FXYD2: variants seen among roughly 807,000 people sequenced by gnomAD.
FXYD2 encodes the protein FXYD domain containing ion transport regulator 2, also known as sodium/potassium-transporting ATPase subunit gamma.
Under a neutral mutation model 11.8 loss-of-function variants are expected in FXYD2, and 8 were observed. The ratio of observed to expected loss-of-function variants is 0.68; its 90% CI spans 0.40 to 1.22. The LOEUF (loss-of-function observed/expected upper bound fraction) is 1.22. Ranked by LOEUF, FXYD2 falls within the 50% of genes most tolerant of loss-of-function variation. The pLI is 0.01. For synonymous variants in FXYD2, 42 were observed against 33.3 expected (o/e 1.26, Z -0.90); for missense variants, 92 against 91.8 (o/e 1.00, Z -0.01).
chr11:117,823,134 C>A (rs1045547200), intron 1 of FXYD2, among the ~76,000 whole-genome samples: 4 of 152,162 alleles, frequency 2.6e-5, no homozygotes, highest in East Asian at 3.8e-4. Context: ...TAAAACAGAA[C>A]CTTAAAGTTT....
At chr11:117,824,879 G>T (rs565601581), upstream of FXYD2, 31 of 687,830 alleles carry the variant, frequency 4.5e-5, no homozygotes, top group African/African-American at 4.2e-4. The surrounding 1 kb of genome is among the most constrained non-coding windows in gnomAD (Gnocchi z 4.0). Context: ...GGACGTGCGT[G>T]GGGAGGCAGG....
In FXYD2 at chr11:117,824,516, C is replaced by CA; in HGVS notation, c.25+137dup. 1 of 747,072 alleles carries CA rather than the reference C, an allele frequency of 1.3e-6. No homozygotes were observed. Among genetic ancestry groups the CA allele is most frequent in the Non-Finnish European group, 2.4e-6 (1 of 417,892 alleles). 46.3% of individuals were successfully genotyped at this position (747,072 alleles called of 1,614,324 possible). Reference sequence around the variant, plus strand: ...CAAATTTTCTTAGAGAGGAGGCCGACAGGAAGAGGGGCTGGGTACTCTGGA... The same window carrying CA: ...CAAATTTTCTTAGAGAGGAGGCCGACAAGGAAGAGGGGCTGGGTACTCTGGA... On this transcript the variant is annotated intron_variant, in intron 1 of 5. Transcript: ENST00000292079. The surrounding 1 kb of genome is among the most constrained non-coding windows in gnomAD (Gnocchi z 4.0).
intron 3 of FXYD2, chr11:117,821,196 A>G (rs1205812759): frequency 5.5e-5 from 21 of 379,406 alleles, no homozygotes; most frequent in Non-Finnish European, 8.0e-5. Context: ...AGCTGGGACT[A>G]TAGGTACATG....
In FXYD2 at chr11:117,822,851, G is replaced by A. The variant is rs1450120303; in HGVS notation, c.26-134C>T. Reference sequence around the variant, plus strand: ...AGCAGGCGAGGGGAGGCTGGGAGCAGGGGTGTTGCTAAAACCATTGCCAGC... The same window carrying A: ...AGCAGGCGAGGGGAGGCTGGGAGCAAGGGTGTTGCTAAAACCATTGCCAGC... On this transcript the variant is annotated intron_variant, in intron 1 of 5. Coordinates refer to ENST00000292079, the MANE Select transcript of FXYD2 (RefSeq NM_001680.5). The surrounding 1 kb of genome is among the most constrained non-coding windows in gnomAD (Gnocchi z 4.7). 2.4e-6 allele frequency: 3 copies of A among 1,246,168 alleles called. No homozygotes were observed. The highest frequency in any genetic ancestry group is 2.6e-5 in the South Asian group (2 of 77,514). The allele number at this position is 1,246,168 out of a possible 1,614,324, so 77.2% of individuals were successfully genotyped here.
chr11:117,821,834 C>T (rs2055912992), intron 3 of FXYD2: 14 of 996,104 alleles, frequency 1.4e-5, no homozygotes, highest in Non-Finnish European at 1.7e-5. Flanking sequence ...GGTGTGCTTG[C>T]TGTATCTTCT....
upstream of FXYD2, among the ~76,000 whole-genome samples, chr11:117,826,085 G>A (rs931569881): frequency 2.6e-5 from 4 of 152,180 alleles, no homozygotes; most frequent in Non-Finnish European, 4.4e-5. Context: ...CATGCAAAGA[G>A]CATATCCCAG....
At position 117,820,863 on chromosome 11, in the gene FXYD2, G is replaced by A. The variant is rs764643788; in HGVS notation, c.172C>T (p.Arg58Cys). The A allele has an allele frequency of 5.6e-6, 9 of 1,612,344 alleles. No individual in the cohort carries two copies. The highest frequency in any genetic ancestry group is 2.7e-5 in the African/African-American group (2 of 74,178). Residue 58 changes from arginine to cysteine, a missense_variant, in exon 4 of 6, where the codon CGC (arginine) becomes TGC (cysteine). Coordinates refer to ENST00000292079, the MANE Select transcript of FXYD2 (RefSeq NM_001680.5). Reference protein sequence around the residue: ...RRFRCGGNKKRRQINEDEP With the variant: ...RRFRCGGNKKCRQINEDEP Reference sequence around the variant, plus strand: ...GTCACCCCAGGCAGCGCTCACCTGCGCTTCTTATTGCCCCCACAGCGGAAT... The same window carrying A: ...GTCACCCCAGGCAGCGCTCACCTGCACTTCTTATTGCCCCCACAGCGGAAT...
upstream of FXYD2, chr11:117,824,764 C>A: frequency 6.4e-7 from 1 of 1,567,586 alleles, no homozygotes; most frequent in African/African-American, 1.4e-5. This position sits in a 1 kb window ranked among gnomAD's most constrained non-coding sequence, Gnocchi z 4.0. Flanking sequence ...CACGGGGTGG[C>A]CGGGGACGAG....
Position 117,820,654 on chromosome 11 carries a change from C to T in FXYD2, c.*6+12G>A. On this transcript the variant is annotated intron_variant, in intron 5 of 5. Coordinates refer to ENST00000292079, the MANE Select transcript of FXYD2 (RefSeq NM_001680.5). ...GCCCTCCCCGCACCTTCCCCAGGCC[C>T]TCCTAGCATACCTGCTGTTACGGCT... 6.2e-7 allele frequency: 1 copy of T among 1,613,724 alleles called. No homozygotes were observed. Among genetic ancestry groups the T allele is most frequent in the Non-Finnish European group, 8.5e-7 (1 of 1,179,800 alleles).
At chr11:117,827,943 C>T, upstream of FXYD2, 2 of 1,221,470 alleles carry the variant, frequency 1.6e-6, no homozygotes, top group East Asian at 2.5e-5. Flanking sequence ...ACGGGGCTGG[C>T]ACCTGTGTTA....
chr11:117,822,726 G>C lies in FXYD2; in HGVS notation c.26-9C>G, dbSNP rs531015300. ...CCCCTTGGGGCTGCCGCCTAGGAGA[G>C]AGCCAGAGGTGGGATGAGAGGAGTC... is the stretch of plus-strand genomic sequence containing the variant. On this transcript the variant is annotated splice_polypyrimidine_tract_variant and intron_variant, in intron 1 of 5. Coordinates refer to ENST00000292079, the MANE Select transcript of FXYD2 (RefSeq NM_001680.5). The surrounding 1 kb of genome is among the most constrained non-coding windows in gnomAD (Gnocchi z 4.7). The C allele has an allele frequency of 1.2e-6, 2 of 1,608,842 alleles. No individual in the cohort carries two copies. The highest frequency in any genetic ancestry group is 2.2e-5 in the East Asian group (1 of 44,690).
intron 3 of FXYD2, chr11:117,821,944 G>A: frequency 1.9e-6 from 2 of 1,045,410 alleles, no homozygotes; most frequent in Non-Finnish European, 2.3e-6. Context: ...CGGGGCTTGA[G>A]GATACATAAC....
chr11:117,824,491 C>A lies in FXYD2; in HGVS notation c.25+163G>T. 1.1e-5 allele frequency: 8 copies of A among 695,996 alleles called. No individual in the cohort carries two copies. In the South Asian group the frequency reaches 1.2e-4, roughly 11 times the overall value. 43.1% of individuals were successfully genotyped at this position (695,996 alleles called of 1,614,324 possible). A position where few individuals can be genotyped will look rare whatever the true frequency, so the allele number is the denominator to read the frequency against. On this transcript the variant is annotated intron_variant, in intron 1 of 5. Transcript: ENST00000292079. The surrounding 1 kb of genome is among the most constrained non-coding windows in gnomAD (Gnocchi z 4.0). Reference sequence around the variant, plus strand: ...TAAAGCAGGGTCCTCCTTTAAGTTGCAAATTTTCTTAGAGAGGAGGCCGAC... The same window carrying A: ...TAAAGCAGGGTCCTCCTTTAAGTTGAAAATTTTCTTAGAGAGGAGGCCGAC...
At chr11:117,823,936 C>G (rs1009658221) in intron 1 of FXYD2, among the ~76,000 whole-genome samples, 47 of 152,318 alleles carry the variant, frequency 3.1e-4, no homozygotes, top group African/African-American at 1.1e-3. Flanking sequence ...CATGAAGGAC[C>G]CAGGTCCCAC....
Position 117,822,218 on chromosome 11 carries a change from G to A in FXYD2, c.139+188C>T, listed in dbSNP as rs974482589. 1 of 1,482,916 alleles carries A rather than the reference G, an allele frequency of 6.7e-7. No individual in the cohort carries two copies. The highest frequency in any genetic ancestry group is 9.0e-7 in the Non-Finnish European group (1 of 1,115,956). The allele number at this position is 1,482,916 out of a possible 1,614,324, so 91.9% of individuals were successfully genotyped here. A position where few individuals can be genotyped will look rare whatever the true frequency, so the allele number is the denominator to read the frequency against. ...ACTGGAGGGTGCACTTGAGCAAGCA[G>A]GAACCTCACACTGTGCTCCCAGCGA... is the stretch of plus-strand genomic sequence containing the variant. On this transcript the variant is annotated intron_variant, in intron 3 of 5. Coordinates refer to ENST00000292079, the MANE Select transcript of FXYD2 (RefSeq NM_001680.5). The surrounding 1 kb of genome is among the most constrained non-coding windows in gnomAD (Gnocchi z 4.7).
Position 117,820,375 on chromosome 11 carries a change from G to C in FXYD2, c.*7-3C>G, listed in dbSNP as rs887929436. ...TGCAGTGGGTGGCACCGCCGAGGCT[G>C]AGAAGACAAAGGCAGGATGGGGTTG... On this transcript the variant is annotated splice_region_variant and splice_polypyrimidine_tract_variant and intron_variant, in intron 5 of 5. Transcript: ENST00000292079. 4.0e-6 allele frequency: 2 copies of C among 506,076 alleles called. No individual in the cohort carries two copies. The highest frequency in any genetic ancestry group is 1.9e-5 in the African/African-American group (1 of 52,028). 31.3% of individuals were successfully genotyped at this position (506,076 alleles called of 1,614,324 possible). A position where few individuals can be genotyped will look rare whatever the true frequency, so the allele number is the denominator to read the frequency against.
chr11:117,824,621 C>G lies in FXYD2; in HGVS notation c.25+33G>C, dbSNP rs1055577778. ...GGCCAATCAGAGCCACCCAGCATTG[C>G]ACACGCCCGGGCACGCACACCAGCA... On this transcript the variant is annotated intron_variant, in intron 1 of 5. Coordinates refer to ENST00000292079, the MANE Select transcript of FXYD2 (RefSeq NM_001680.5). This position sits in a 1 kb window ranked among gnomAD's most constrained non-coding sequence, Gnocchi z 4.0. 1 of 1,585,926 alleles carries G rather than the reference C, an allele frequency of 6.3e-7. No homozygotes were observed. The highest frequency in any genetic ancestry group is 8.7e-7 in the Non-Finnish European group (1 of 1,154,656).
At chr11:117,824,986 G>A (rs2056003377), upstream of FXYD2, among the ~76,000 whole-genome samples, 1 of 152,184 alleles carries the variant, frequency 6.6e-6, no homozygotes, top group Admixed American at 6.5e-5. The surrounding 1 kb of genome is among the most constrained non-coding windows in gnomAD (Gnocchi z 4.0). Context: ...TCTGCCAGCT[G>A]GGGAAGCTAC....
chr11:117,823,457 AG>A (rs2055961002), intron 1 of FXYD2, among the ~76,000 whole-genome samples: 1 of 152,214 alleles, frequency 6.6e-6, no homozygotes, highest in African/African-American at 2.4e-5. Flanking sequence ...CCCAGGAAGC[AG>A]GGGGCTGAGA....
Sources: allele counts gnomAD v4.1 joint callset (sites outside exome capture counted in the v4.1 genomes callset), GRCh38; gene constraint gnomAD v4.1.1; non-coding constraint Gnocchi (gnomAD v3.1); transcripts MANE v1.5; gene names NCBI Gene and HGNC (gene_info 2026-07-23, HGNC 2026-07-21).